Variants in HERPUD2 observed in about 807,000 individuals in gnomAD.
The protein encoded by HERPUD2 is homocysteine-responsive endoplasmic reticulum-resident ubiquitin-like domain member 2 protein.
Under a neutral mutation model 49.9 loss-of-function variants are expected in HERPUD2, and 13 were observed. That is an observed-to-expected ratio of 0.26 (90% CI 0.17 to 0.41). HERPUD2 has a LOEUF of 0.41. Among genes scored for constraint, HERPUD2 ranks in the 10% least tolerant of loss-of-function variants. The pLI, the probability that HERPUD2 is intolerant of heterozygous loss-of-function variation, is 1.00. For missense variants in HERPUD2, 449 were observed against 492.2 expected (o/e 0.91, Z 0.83); for synonymous variants, 172 against 171.4 (o/e 1.00, Z -0.03).
At chr7:35,690,515 A>G (rs1224102187) in intron 2 of HERPUD2, among the ~76,000 whole-genome samples, 4 of 152,242 alleles carry the variant, frequency 2.6e-5, no homozygotes, top group African/African-American at 4.8e-5. Context: ...ATTAACTCCA[A>G]AAGAATAGTT....
At position 35,694,491 on chromosome 7, in the gene HERPUD2, C is replaced by T. The variant is rs1387410969; in HGVS notation, c.-161G>A. The T allele has an allele frequency of 1.4e-6, 1 of 712,630 alleles. No homozygotes were observed. The highest frequency in any genetic ancestry group is 2.3e-6 in the Non-Finnish European group (1 of 430,288). 44.1% of individuals were successfully genotyped at this position (712,630 alleles called of 1,614,324 possible). ...CACTGGAGGATACGAAGCCCATTGC[C>T]GGTACCAAGGATGGACTGAGGTGGT... On this transcript the variant is annotated 5_prime_UTR_variant, in exon 2 of 9. Coordinates refer to ENST00000311350, the MANE Select transcript of HERPUD2 (RefSeq NM_022373.5).
intron 2 of HERPUD2, among the ~76,000 whole-genome samples, chr7:35,676,062 A>G (rs1030252733): frequency 2.6e-5 from 4 of 152,222 alleles, no homozygotes; most frequent in Non-Finnish European, 5.9e-5. Flanking sequence ...GTAATATCCA[A>G]TGCAGCTCAA....
At chr7:35,684,480 G>A (rs1785987602) in intron 2 of HERPUD2, among the ~76,000 whole-genome samples, 1 of 151,652 alleles carries the variant, frequency 6.6e-6, no homozygotes, top group African/African-American at 2.4e-5. Context: ...CAACCCAAAT[G>A]CCCATCAATC....
chr7:35,682,043 C>T (rs1785901601), intron 2 of HERPUD2, among the ~76,000 whole-genome samples: 1 of 151,818 alleles, frequency 6.6e-6, no homozygotes, highest in South Asian at 2.1e-4. Context: ...TATCCAAATG[C>T]CTTCAAATAA....
chr7:35,684,537 T>TAC (rs1387671860), intron 2 of HERPUD2, among the ~76,000 whole-genome samples: 1 of 145,472 alleles, frequency 6.9e-6, no homozygotes, highest in Non-Finnish European at 1.5e-5. Flanking sequence ...TATATATATA[T>TAC]ACATATGTGA....
chr7:35,676,725 A>G (rs1785768107), intron 2 of HERPUD2, among the ~76,000 whole-genome samples: 1 of 152,246 alleles, frequency 6.6e-6, no homozygotes, highest in Admixed American at 6.5e-5. Context: ...ATTAAATAGT[A>G]TTCACTCATT....
At chr7:35,651,551 G>A (rs770425897) in intron 5 of HERPUD2, among the ~76,000 whole-genome samples, 7 of 151,938 alleles carry the variant, frequency 4.6e-5, no homozygotes, top group Admixed American at 1.3e-4. Context: ...TGGCCTACCC[G>A]AACACCACCA....
rs150924778 is a variant in HERPUD2 at position 35,684,179 on chromosome 7, G to A, written c.147+10005C>T. ...AGGCGGGTGGATCATGAGGTCAGGA[G>A]ATCAACACCACCCTGGCTAACACGG... On this transcript the variant is annotated intron_variant, in intron 2 of 8. Coordinates refer to ENST00000311350, the MANE Select transcript of HERPUD2 (RefSeq NM_022373.5). Among the ~76,000 whole-genome samples the A allele has an allele frequency of 3.9e-3, 589 of 152,274 alleles. 8 individuals are homozygous for A. The highest frequency in any genetic ancestry group is 0.014 in the African/African-American group (567 of 41,548).
chr7:35,674,944 G>A (rs1036077586), intron 2 of HERPUD2, among the ~76,000 whole-genome samples: 4 of 152,166 alleles, frequency 2.6e-5, no homozygotes, highest in Non-Finnish European at 5.9e-5. Context: ...GTGAGCAAAT[G>A]TAAGTAACAT....
intron 5 of HERPUD2, among the ~76,000 whole-genome samples, chr7:35,665,024 C>T (rs566269027): frequency 3.9e-5 from 6 of 152,316 alleles, no homozygotes; most frequent in African/African-American, 1.2e-4. Flanking sequence ...CCAGTCGCCC[C>T]CCTACTGGGA....
chr7:35,674,398 TATATATAGAGAGAGAGAGAGAGAGAGAG>T (rs1394950071), intron 2 of HERPUD2, among the ~76,000 whole-genome samples: 9 of 61,372 alleles, frequency 1.5e-4, no homozygotes, highest in South Asian at 6.6e-4. Flanking sequence ...TATATATATA[TATATATAGAGAGAGAGAGAGAGAGAGAG>T]AGAGAGAGAG....
intron 5 of HERPUD2, among the ~76,000 whole-genome samples, chr7:35,657,541 G>A (rs1252678266): frequency 2.1e-5 from 3 of 146,046 alleles, no homozygotes; most frequent in Admixed American, 6.9e-5. Context: ...AGAATCGCTT[G>A]AGCCCAGGAG....
chr7:35,676,371 T>C (rs181063823), intron 2 of HERPUD2, among the ~76,000 whole-genome samples: 33 of 152,306 alleles, frequency 2.2e-4, no homozygotes, highest in African/African-American at 7.7e-4. Context: ...AAGAGGACTT[T>C]TGACAAGGGG....
At chr7:35,651,615 TGAA>T (rs770972569) in intron 5 of HERPUD2, among the ~76,000 whole-genome samples, 1 of 151,642 alleles carries the variant, frequency 6.6e-6, no homozygotes, top group Admixed American at 6.6e-5. Flanking sequence ...TGCAAAAAAC[TGAA>T]GAAGGACTGT....
At chr7:35,645,172 C>T (rs1213573465) in intron 5 of HERPUD2, among the ~76,000 whole-genome samples, 1 of 152,044 alleles carries the variant, frequency 6.6e-6, no homozygotes, top group Admixed American at 6.6e-5. Context: ...TTAAAAAGTA[C>T]AATAAAGTCT....
At chr7:35,647,635 C>G (rs1426691347) in intron 5 of HERPUD2, among the ~76,000 whole-genome samples, 1 of 152,094 alleles carries the variant, frequency 6.6e-6, no homozygotes, top group African/African-American at 2.4e-5. Flanking sequence ...AGTCAAAATA[C>G]GAATGATAAC....
At chr7:35,689,637 C>T (rs1302817383) in intron 2 of HERPUD2, among the ~76,000 whole-genome samples, 1 of 152,182 alleles carries the variant, frequency 6.6e-6, no homozygotes, top group East Asian at 1.9e-4. Context: ...TCTATTCTTG[C>T]TTCTTTAATT....
chr7:35,652,371 C>CA (rs1331499378), intron 5 of HERPUD2, among the ~76,000 whole-genome samples: 1 of 152,168 alleles, frequency 6.6e-6, no homozygotes, highest in Non-Finnish European at 1.5e-5. Flanking sequence ...CCTCGCCCAA[C>CA]AATCCTCAAA....
At chr7:35,656,993 A>G (rs1785289805) in intron 5 of HERPUD2, among the ~76,000 whole-genome samples, 1 of 152,250 alleles carries the variant, frequency 6.6e-6, no homozygotes, top group Non-Finnish European at 1.5e-5. Flanking sequence ...CACAGACAAC[A>G]AAAACAAAAA....
Sources: allele counts gnomAD v4.1 joint callset (sites outside exome capture counted in the v4.1 genomes callset), GRCh38; gene constraint gnomAD v4.1.1; transcripts MANE v1.5; gene names NCBI Gene and HGNC (gene_info 2026-07-23, HGNC 2026-07-21).